The following CCDC12 variants were observed in gnomAD, a reference collection of about 807,000 sequenced individuals.
CCDC12 encodes coiled-coil domain-containing protein 12.
Under a neutral mutation model 25.7 loss-of-function variants are expected in CCDC12, and 28 were observed. The observed-to-expected ratio is 1.09, with a 90% confidence interval of 0.81 to 1.50. The LOEUF (loss-of-function observed/expected upper bound fraction) is 1.50, where lower values mean the gene tolerates loss of function less well. Among genes scored for constraint, CCDC12 ranks in the 40% most tolerant of loss-of-function variants. CCDC12 has a pLI of 0.00. For missense variants in CCDC12, 198 were observed against 210.0 expected (o/e 0.94, Z 0.35); for synonymous variants, 75 against 87.7 (o/e 0.86, Z 0.81).
chr3:46,932,353 G>T (rs1391009318), intron 2 of CCDC12, among the ~76,000 whole-genome samples: 4 of 152,178 alleles, frequency 2.6e-5, no homozygotes, highest in Admixed American at 6.5e-5. Flanking sequence ...TTTAGTACAG[G>T]GATGTTTTTG....
At chr3:46,973,645 ACT>A (rs1323769396) in intron 1 of CCDC12, among the ~76,000 whole-genome samples, 1 of 121,956 alleles carries the variant, frequency 8.2e-6, no homozygotes, top group Non-Finnish European at 1.6e-5. Context: ...ATGGAGTCTC[ACT>A]CTGTCGCCCA....
intron 2 of CCDC12, among the ~76,000 whole-genome samples, chr3:46,926,840 A>G (rs1032875915): frequency 6.6e-6 from 1 of 152,148 alleles, no homozygotes; most frequent in South Asian, 2.1e-4. Flanking sequence ...AAGGCAGGAA[A>G]CAATTTCCCA....
intron 1 of CCDC12, among the ~76,000 whole-genome samples, chr3:46,941,878 A>G (rs1245783006): frequency 6.6e-6 from 1 of 152,232 alleles, no homozygotes; most frequent in South Asian, 2.1e-4. Flanking sequence ...TCGCTTTAGA[A>G]GTAACATGAA....
Position 46,925,536 on chromosome 3 carries a change from CT to C in CCDC12, c.165-2del. On this transcript the variant is annotated splice_acceptor_variant, in intron 2 of 6. Transcript: ENST00000683445. LOFTEE classifies it high-confidence loss of function. ...GACATAGTTCCGCAGCCTAAGTTCC[CT>C]GCAAGAATAGAGGGAACAAGCAGAG... 6.4e-7 allele frequency: 1 copy of C among 1,570,416 alleles called. No individual in the cohort carries two copies. The highest frequency in any genetic ancestry group is 8.7e-7 in the Non-Finnish European group (1 of 1,153,088).
intron 2 of CCDC12, among the ~76,000 whole-genome samples, chr3:46,929,522 A>T (rs1157257557): frequency 6.6e-6 from 1 of 152,192 alleles, no homozygotes; most frequent in Non-Finnish European, 1.5e-5. Flanking sequence ...TGGCCAGGAA[A>T]TACTGAAGCA....
intron 3 of CCDC12, chr3:46,924,047 T>C (rs999473343): frequency 1.8e-4 from 33 of 181,698 alleles, no homozygotes; most frequent in Admixed American, 1.4e-3. Flanking sequence ...GGTCCCGGCC[T>C]AGCCAGAGCC....
upstream of CCDC12, among the ~76,000 whole-genome samples, chr3:46,978,746 G>A (rs1025560526): frequency 2.0e-5 from 3 of 151,990 alleles, no homozygotes; most frequent in Non-Finnish European, 4.4e-5. Context: ...CACTTTGGGA[G>A]GTCGAGGCGG....
intron 1 of CCDC12, among the ~76,000 whole-genome samples, chr3:46,948,979 G>A (rs1404408859): frequency 2.0e-5 from 3 of 152,216 alleles, no homozygotes; most frequent in Non-Finnish European, 4.4e-5. Context: ...TGAGGAGGAA[G>A]AGGAACGAGT....
intron 1 of CCDC12, among the ~76,000 whole-genome samples, chr3:46,956,956 G>C (rs534347859): frequency 6.6e-6 from 1 of 152,322 alleles, no homozygotes; most frequent in African/African-American, 2.4e-5. Context: ...AAGTAGACTG[G>C]TGTGTCCAAT....
At chr3:46,945,629 C>CT (rs1187246124) in intron 1 of CCDC12, among the ~76,000 whole-genome samples, 2 of 152,216 alleles carry the variant, frequency 1.3e-5, no homozygotes, top group Non-Finnish European at 2.9e-5. Flanking sequence ...CTTAAATGTT[C>CT]AACAAGACTT....
intron 1 of CCDC12, among the ~76,000 whole-genome samples, chr3:46,969,630 G>C (rs13077398): frequency 0.49 from 74,643 of 151,976 alleles, 19,804 homozygotes; most frequent in Non-Finnish European, 0.58. Flanking sequence ...CCCCAAATCA[G>C]CATCTGATGG....
chr3:46,961,588 G>A (rs1326897056), intron 1 of CCDC12, among the ~76,000 whole-genome samples: 1 of 152,190 alleles, frequency 6.6e-6, no homozygotes, highest in African/African-American at 2.4e-5. Context: ...GTCACAGGAC[G>A]CAGCATACCC....
At chr3:46,964,395 G>T (rs1347717438) in intron 1 of CCDC12, among the ~76,000 whole-genome samples, 1 of 151,898 alleles carries the variant, frequency 6.6e-6, no homozygotes, top group South Asian at 2.1e-4. Flanking sequence ...CTGCCCGGCC[G>T]CCCCTTCTGG....
At chr3:46,976,479 A>G in intron 1 of CCDC12, 158 bp downstream of exon 1, 1 of 1,435,120 alleles carries the variant, frequency 7.0e-7, no homozygotes, top group South Asian at 1.5e-5. Context: ...AGCCCCAGAC[A>G]TCGTGGGAGG....
intron 1 of CCDC12, among the ~76,000 whole-genome samples, chr3:46,974,354 C>G (rs1325493570): frequency 1.3e-5 from 2 of 152,198 alleles, no homozygotes; most frequent in Non-Finnish European, 2.9e-5. Flanking sequence ...ATACTTCCAG[C>G]CCACTGAGAG....
chr3:46,931,401 C>T (rs187589909), intron 2 of CCDC12, among the ~76,000 whole-genome samples: 7 of 152,222 alleles, frequency 4.6e-5, no homozygotes, highest in Non-Finnish European at 7.4e-5. Context: ...TCTAGAATGG[C>T]GAAATGAAAG....
At chr3:46,970,015 C>T (rs759619264) in intron 1 of CCDC12, among the ~76,000 whole-genome samples, 43 of 151,350 alleles carry the variant, frequency 2.8e-4, no homozygotes, top group Admixed American at 2.5e-3. Flanking sequence ...AGCAATTCTC[C>T]CTGCTCAGTC....
intron 2 of CCDC12, among the ~76,000 whole-genome samples, chr3:46,933,926 A>ATTT (rs35148258): frequency 4.1e-5 from 6 of 147,774 alleles, no homozygotes; most frequent in African/African-American, 9.9e-5. Flanking sequence ...TCAATTGAAA[A>ATTT]TTTTTTTTTT....
In CCDC12 at chr3:46,921,953, T is replaced by C. The variant is rs878933352; in HGVS notation, c.*104A>G. The C allele has an allele frequency of 1.5e-5, 19 of 1,271,188 alleles. No individual in the cohort carries two copies. The South Asian group carries it at 2.5e-4, about 17-fold the overall frequency. 78.7% of individuals were successfully genotyped at this position (1,271,188 alleles called of 1,614,324 possible). ...GACTTGATGGGCAGGGAGTCTCTGC[T>C]CAGAAGCCAAACTGGAGGTGATGGC... On this transcript the variant is annotated 3_prime_UTR_variant, in exon 7 of 7. Coordinates refer to ENST00000683445, the MANE Select transcript of CCDC12 (RefSeq NM_001277074.2).
Sources: allele counts gnomAD v4.1 joint callset (sites outside exome capture counted in the v4.1 genomes callset), GRCh38; gene constraint gnomAD v4.1.1; transcripts MANE v1.5; gene names NCBI Gene and HGNC (gene_info 2026-07-23, HGNC 2026-07-21).